RNFT2: variants seen among roughly 807,000 people sequenced by gnomAD.
RNFT2 encodes E3 ubiquitin-protein ligase RNFT2.
In RNFT2, 36 loss-of-function variants were observed where a neutral mutation model predicts 53.0. That is an observed-to-expected ratio of 0.68 (90% confidence interval 0.52 to 0.90). RNFT2 has a LOEUF of 0.90. Ranked by LOEUF, RNFT2 falls within the 40% of genes least tolerant of loss-of-function variation. The probability of loss-of-function intolerance (pLI) is 0.00; values close to 1 mark genes in which losing one functional copy is unlikely to be tolerated. For synonymous variants in RNFT2, 260 were observed against 253.2 expected, an observed-to-expected ratio of 1.03 and a Z score of -0.26; for missense variants, 514 against 585.6, an observed-to-expected ratio of 0.88 and a Z score of 1.26.
At chr12:116,753,868 C>T in intron 4 of RNFT2, 116 bp from the exon 5 acceptor site, 4 of 729,948 alleles carry the variant, frequency 5.5e-6, no homozygotes, top group Non-Finnish European at 7.1e-6. Flanking sequence ...ATTTTTCTCT[C>T]TCTTCTGTCA....
chr12:116,741,179 C>A, intron 3 of RNFT2, 85 bp downstream of exon 3: 1 of 1,031,192 alleles, frequency 9.7e-7, no homozygotes, highest in Non-Finnish European at 1.5e-6. Flanking sequence ...AACAATACCT[C>A]ACCCTCAGCG....
At chr12:116,836,326 G>A (rs894467423) in intron 10 of RNFT2, 44 bp downstream of exon 10, 163 of 1,481,300 alleles carry the variant, frequency 1.1e-4, no homozygotes, top group Non-Finnish European at 1.4e-4. Context: ...AAGGCTGGGG[G>A]AGAGTAGGAC....
At chr12:116,750,859 T>TTA (rs1274016979) in intron 4 of RNFT2, among the ~76,000 whole-genome samples, 1 of 3,122 alleles carries the variant, frequency 3.2e-4, no homozygotes, top group East Asian at 0.021. Flanking sequence ...ATAATATATA[T>TTA]TATATATATA....
rs764873600 is a variant in RNFT2 at position 116,750,172 on chromosome 12, G to A, written c.415G>A (p.Glu139Lys). ...GGGTGGGGACCACCGGGGGCACTCG[G>A]AGGAGGGAGGCGACGAGCAGCCTGG... is the stretch of plus-strand genomic sequence containing the variant. ...HVGGDHRGHS[E>K]EGGDEQPGTP... The change falls in exon 4 of 11, where the codon GAG becomes AAG. Residue 139 changes from glutamate to lysine, a missense_variant. Transcript: ENST00000257575. 1 of 1,595,308 alleles carries A rather than the reference G, an allele frequency of 6.3e-7. No homozygotes were observed. Among genetic ancestry groups the A allele is most frequent in the East Asian group, 2.3e-5 (1 of 44,360 alleles).
In RNFT2 at chr12:116,833,826, A is replaced by G. The variant is rs774108432; in HGVS notation, c.917A>G (p.Gln306Arg). The change falls in exon 8 of 11, where the codon CAG (glutamine) becomes CGG (arginine). Residue 306 changes from glutamine to arginine, a missense_variant. Around this residue, in one of 3 missense-constraint regions of RNFT2, gnomAD observed 273 missense variants for 334.4 expected, o/e 0.82. Coordinates refer to ENST00000257575, the MANE Select transcript of RNFT2 (RefSeq NM_001382266.1). The stretch of plus-strand genomic sequence containing the variant: ...TATCTGGTCATCGAGGAGCTGAGCC[A>G]GCTGTTCCGATCCCTTGTCCCCATC... ...KFYLVIEELS[Q>R]LFRSLVPIQL... The G allele has an allele frequency of 6.2e-7, 1 of 1,613,256 alleles. No homozygotes were observed.
rs185705234 is a variant in RNFT2, at chr12:116,757,402, G to A, written c.627+3342G>A. Reference sequence around the variant, plus strand: ...TCTTCTTGTTTCTCTAGTTCCTTGAGGGGTGACCTTGGAGTGTCAGTTTGT... The same window carrying A: ...TCTTCTTGTTTCTCTAGTTCCTTGAAGGGTGACCTTGGAGTGTCAGTTTGT... On this transcript the variant is annotated intron_variant, in intron 5 of 10. Coordinates refer to ENST00000257575, the MANE Select transcript of RNFT2 (RefSeq NM_001382266.1). 3.2e-3 allele frequency among the ~76,000 whole-genome samples: 491 copies of A among 152,098 alleles called. 3 individuals carry two copies. Among genetic ancestry groups the A allele is most frequent in the African/African-American group, 9.9e-3 (412 of 41,490 alleles).
intron 6 of RNFT2, among the ~76,000 whole-genome samples, chr12:116,771,428 CCGGCCTGGGTG>C (rs1244393491): frequency 1.5e-5 from 2 of 136,934 alleles, no homozygotes; most frequent in African/African-American, 5.5e-5. Flanking sequence ...CCACTGCACT[CCGGCCTGGGTG>C]ACAAAATGAG....
intron 7 of RNFT2, among the ~76,000 whole-genome samples, chr12:116,819,311 A>G (rs1041213598): frequency 5.9e-5 from 9 of 152,218 alleles, no homozygotes; most frequent in Non-Finnish European, 1.2e-4. Context: ...TTGTCCGCGA[A>G]GGGCTAAGAG....
intron 5 of RNFT2, among the ~76,000 whole-genome samples, chr12:116,764,673 C>T (rs1872834356): frequency 6.6e-6 from 1 of 152,216 alleles, no homozygotes; most frequent in Admixed American, 6.5e-5. Flanking sequence ...AGGTAGATCA[C>T]CTGAGTTCAG....
intron 7 of RNFT2, among the ~76,000 whole-genome samples, chr12:116,824,084 A>G (rs948394899): frequency 6.6e-6 from 1 of 152,194 alleles, no homozygotes; most frequent in African/African-American, 2.4e-5. Flanking sequence ...ATCTGCACCC[A>G]GGGCCACGTT....
chr12:116,782,582 G>A (rs749228829), intron 7 of RNFT2, among the ~76,000 whole-genome samples: 7 of 151,990 alleles, frequency 4.6e-5, no homozygotes, highest in Admixed American at 1.3e-4. Context: ...TCTAAAAGAC[G>A]TGGACATTTT....
intron 7 of RNFT2, among the ~76,000 whole-genome samples, chr12:116,783,372 C>G (rs1479162571): frequency 6.6e-6 from 1 of 152,218 alleles, no homozygotes; most frequent in South Asian, 2.1e-4. Flanking sequence ...TTGGCCTCCT[C>G]CTTGAAACAT....
chr12:116,852,734 G>A lies in RNFT2; in HGVS notation c.*3286G>A. ...GTAAGGAAATAGAACAGTCTGCTGG[G>A]AGTCAGACCTGGAATTCTGATTCCA... On this transcript the variant is annotated 3_prime_UTR_variant, in exon 11 of 11. Coordinates refer to ENST00000257575, the MANE Select transcript of RNFT2 (RefSeq NM_001382266.1). The A allele has an allele frequency of 1.2e-6, 2 of 1,607,580 alleles. No individual in the cohort carries two copies. Among genetic ancestry groups the A allele is most frequent in the Non-Finnish European group, 1.7e-6 (2 of 1,174,022 alleles).
At chr12:116,774,039 C>T (rs1374037378) in intron 6 of RNFT2, among the ~76,000 whole-genome samples, 1 of 152,024 alleles carries the variant, frequency 6.6e-6, no homozygotes, top group Non-Finnish European at 1.5e-5. Flanking sequence ...TTGAAATAAG[C>T]CAGATAAAAA....
intron 7 of RNFT2, among the ~76,000 whole-genome samples, chr12:116,799,907 G>A (rs143550824): frequency 1.1e-4 from 16 of 152,318 alleles, no homozygotes; most frequent in African/African-American, 2.6e-4. Flanking sequence ...TGGAGGTGGC[G>A]CTTAGTAGGA....
At chr12:116,797,062 G>A (rs1422386055) in intron 7 of RNFT2, among the ~76,000 whole-genome samples, 11 of 152,180 alleles carry the variant, frequency 7.2e-5, no homozygotes, top group Non-Finnish European at 4.4e-5. Context: ...CTGCAACCCA[G>A]AGTTATCCAG....
intron 6 of RNFT2, among the ~76,000 whole-genome samples, chr12:116,770,561 T>C (rs1873127578): frequency 6.6e-6 from 1 of 152,108 alleles, no homozygotes; most frequent in South Asian, 2.1e-4. Context: ...TTTTCTTTGT[T>C]TTTTCATTTT....
At chr12:116,746,276 C>T (rs1871890272) in intron 3 of RNFT2, among the ~76,000 whole-genome samples, 1 of 152,110 alleles carries the variant, frequency 6.6e-6, no homozygotes, top group Admixed American at 6.6e-5. Context: ...TGAGTAACTT[C>T]AGGTGCTGGG....
intron 10 of RNFT2, among the ~76,000 whole-genome samples, chr12:116,838,118 T>G (rs116394982): frequency 6.6e-6 from 1 of 152,206 alleles, no homozygotes; most frequent in African/African-American, 2.4e-5. Context: ...CTCCTTATCC[T>G]ATTTTATAGC....
Sources: gnomAD v4.1 joint callset for allele counts (sites outside exome capture counted in the v4.1 genomes callset) on GRCh38, gnomAD v4.1.1 for gene constraint, gnomAD v4.1.1 regional missense constraint, MANE v1.5 for transcripts, NCBI Gene and HGNC (gene_info 2026-07-23, HGNC 2026-07-21) for gene names.